NLGN1: variants seen among roughly 807,000 people sequenced by gnomAD.
NLGN1 encodes the protein neuroligin-1.
NLGN1 carries 12 observed loss-of-function variants against 65.5 expected under a neutral mutation model. The ratio of observed to expected loss-of-function variants is 0.18; its 90% CI spans 0.12 to 0.30. NLGN1 has a LOEUF of 0.30. NLGN1 is among the 10% of genes least tolerant of loss of function. The pLI is 1.00. For missense variants in NLGN1, 750 were observed against 1,007.1 expected, an observed-to-expected ratio of 0.74 and a Z score of 3.46; for synonymous variants, 350 against 359.5, an observed-to-expected ratio of 0.97 and a Z score of 0.30.
intron 2 of NLGN1, among the ~76,000 whole-genome samples, chr3:173,446,428 G>A (rs1361372962): frequency 6.6e-6 from 1 of 152,178 alleles, no homozygotes; most frequent in African/African-American, 2.4e-5. Context: ...GTATTCCATG[G>A]TGTATATGTG....
chr3:174,186,720 A>C (rs563231655), intron 4 of NLGN1, among the ~76,000 whole-genome samples: 11 of 152,066 alleles, frequency 7.2e-5, no homozygotes, highest in Non-Finnish European at 1.6e-4. Flanking sequence ...GCTGATGCTT[A>C]AATTATACTT....
chr3:174,091,760 G>C (rs570287154), intron 4 of NLGN1, among the ~76,000 whole-genome samples: 7 of 152,260 alleles, frequency 4.6e-5, no homozygotes, highest in Non-Finnish European at 8.8e-5. Flanking sequence ...CTAGTTACAA[G>C]TTAAATAAAT....
intron 3 of NLGN1, among the ~76,000 whole-genome samples, chr3:173,721,078 G>A (rs1009854843): frequency 2.6e-5 from 4 of 152,222 alleles, no homozygotes; most frequent in African/African-American, 9.6e-5. Flanking sequence ...GTGCTCATAT[G>A]CACACAACGC....
intron 5 of NLGN1, among the ~76,000 whole-genome samples, chr3:174,277,244 A>G (rs1419506348): frequency 2.6e-5 from 4 of 151,882 alleles, no homozygotes; most frequent in Non-Finnish European, 5.9e-5. Flanking sequence ...TTCTGCCTCC[A>G]ATGGAGCTAT....
chr3:174,082,913 G>C (rs1040779133), intron 4 of NLGN1, among the ~76,000 whole-genome samples: 5 of 152,082 alleles, frequency 3.3e-5, no homozygotes, highest in African/African-American at 1.2e-4. Context: ...TTTTAGTAGA[G>C]ACAGGGTTTC....
chr3:173,431,270 C>G (rs1275174083), intron 1 of NLGN1, among the ~76,000 whole-genome samples: 1 of 152,130 alleles, frequency 6.6e-6, no homozygotes, highest in Non-Finnish European at 1.5e-5. Context: ...GCTGTTGAAC[C>G]AGCCATTTCT....
In NLGN1 at chr3:173,578,230, C is replaced by T. The variant is rs920293628; in HGVS notation, c.-320-26049C>T. Among the ~76,000 whole-genome samples the T allele has an allele frequency of 1.4e-4, 16 of 113,670 alleles. 1 individual carries two copies. The highest frequency in any genetic ancestry group is 2.8e-4 in the Admixed American group (3 of 10,774). The allele number at this position is 113,670 out of a possible 152,430, so 74.6% of individuals were successfully genotyped here. A position where few individuals can be genotyped will look rare whatever the true frequency, so the allele number is the denominator to read the frequency against. On this transcript the variant is annotated intron_variant, in intron 2 of 6. Transcript: ENST00000457714. ...CAGCCTGGGCGACAGGGCCAGACTC[C>T]GTCTCAAAAAAAAAAAAAAGAAGAA... is the stretch of plus-strand genomic sequence containing the variant.
intron 2 of NLGN1, among the ~76,000 whole-genome samples, chr3:173,604,035 G>A (rs79568717): frequency 0.027 from 4,147 of 152,198 alleles, 83 homozygotes; most frequent in Middle Eastern, 0.041. Context: ...TTCTAAAACT[G>A]TGTATTTTAA....
At chr3:173,412,311 G>GACACAC (rs71162345) in intron 1 of NLGN1, among the ~76,000 whole-genome samples, 11,807 of 147,558 alleles carry the variant, frequency 0.08, 591 homozygotes, top group Admixed American at 0.16. Flanking sequence ...CTCTCACTCT[G>GACACAC]ACACACACAC....
chr3:173,848,584 TTAAATAA>T (rs1726271913), intron 4 of NLGN1, among the ~76,000 whole-genome samples: 1 of 152,222 alleles, frequency 6.6e-6, no homozygotes, highest in Non-Finnish European at 1.5e-5. Context: ...GCTTTTTGCA[TTAAATAA>T]TAACAACAAT....
chr3:173,757,764 G>T (rs1777358471), intron 3 of NLGN1, among the ~76,000 whole-genome samples: 1 of 151,968 alleles, frequency 6.6e-6, no homozygotes, highest in African/African-American at 2.4e-5. Context: ...CTTTCTTTAG[G>T]TGTGCAAATG....
At chr3:174,115,864 A>G (rs1324877664) in intron 4 of NLGN1, among the ~76,000 whole-genome samples, 1 of 152,238 alleles carries the variant, frequency 6.6e-6, no homozygotes, top group Non-Finnish European at 1.5e-5. Context: ...ATGTTGAAGT[A>G]CATGACATGT....
intron 4 of NLGN1, among the ~76,000 whole-genome samples, chr3:173,919,490 GC>G (rs1240789355): frequency 6.6e-6 from 1 of 152,114 alleles, no homozygotes; most frequent in Non-Finnish European, 1.5e-5. Context: ...GGTTCCATTA[GC>G]CACATTTCAC....
rs1439457550 is a variant in NLGN1, at chr3:173,809,631, A to G, written c.646+1799A>G. On this transcript the variant is annotated intron_variant, in intron 4 of 6. Transcript: ENST00000457714. ...TCTTTCTGTTATTGGTTCTGTTTAT[A>G]TAAAGCAAGATTTCATAACATAAAC... Among the ~76,000 whole-genome samples, 3 of 152,176 alleles carry G rather than the reference A, an allele frequency of 2.0e-5. No homozygotes were observed. In the East Asian group the frequency reaches 5.8e-4, roughly 29 times the overall value.
At chr3:173,453,168 C>T (rs916639950) in intron 2 of NLGN1, among the ~76,000 whole-genome samples, 10 of 151,410 alleles carry the variant, frequency 6.6e-5, no homozygotes, top group African/African-American at 2.2e-4. Flanking sequence ...GGTGCAATCA[C>T]GGCTCACTGC....
At chr3:173,832,140 A>C (rs7642307) in intron 4 of NLGN1, among the ~76,000 whole-genome samples, 22,824 of 151,098 alleles carry the variant, frequency 0.15, 1,988 homozygotes, top group African/African-American at 0.22. Flanking sequence ...AAAAAAAAAA[A>C]AACTGTAGAG....
chr3:174,034,191 A>T (rs553769337), intron 4 of NLGN1, among the ~76,000 whole-genome samples: 1 of 152,274 alleles, frequency 6.6e-6, no homozygotes, highest in African/African-American at 2.4e-5. Context: ...GAAAAACCTC[A>T]TAAATCTGAA....
chr3:173,629,308 G>C (rs971476867), intron 3 of NLGN1, among the ~76,000 whole-genome samples: 1 of 151,846 alleles, frequency 6.6e-6, no homozygotes, highest in African/African-American at 2.4e-5. Flanking sequence ...TAGAGTGGGG[G>C]CCTTGCTATG....
At chr3:174,190,498 T>C (rs1398139829) in intron 4 of NLGN1, among the ~76,000 whole-genome samples, 1 of 152,060 alleles carries the variant, frequency 6.6e-6, no homozygotes, top group Non-Finnish European at 1.5e-5. Flanking sequence ...AGACTTATTG[T>C]AAAAATATTA....
Sources: allele counts gnomAD v4.1 joint callset (sites outside exome capture counted in the v4.1 genomes callset), GRCh38; gene constraint gnomAD v4.1.1; transcripts MANE v1.5; gene names NCBI Gene and HGNC (gene_info 2026-07-23, HGNC 2026-07-21).